The following NAA11 variants were observed in gnomAD, a reference collection of about 807,000 sequenced individuals.
The protein encoded by NAA11 is N-alpha-acetyltransferase 11, NatA catalytic subunit, also known as N-alpha-acetyltransferase 11.
A neutral mutation model predicts 16.1 loss-of-function variants in NAA11; 15 were observed. That is an observed-to-expected ratio of 0.93 (90% CI 0.62 to 1.44). NAA11 has a LOEUF of 1.44. NAA11 is among the 40% of genes most tolerant of loss of function. NAA11 has a pLI of 0.00. For missense variants in NAA11, 298 were observed against 291.3 expected, an observed-to-expected ratio of 1.02 and a Z score of -0.17; for synonymous variants, 122 against 112.4, an observed-to-expected ratio of 1.09 and a Z score of -0.54.
chr4:79,277,819 G>A (rs909300031), intron 2 of NAA11, among the ~76,000 whole-genome samples: 1 of 151,998 alleles, frequency 6.6e-6, no homozygotes, highest in African/African-American at 2.4e-5. Context: ...AGCCACATGC[G>A]TCAGGGATAA....
downstream of NAA11, among the ~76,000 whole-genome samples, chr4:79,224,928 T>C (rs1721277565): frequency 6.6e-6 from 1 of 152,054 alleles, no homozygotes; most frequent in Non-Finnish European, 1.5e-5. Flanking sequence ...ATCCGACCAG[T>C]ACTTCTCAAA....
chr4:79,157,389 A>G, the NAA11 span, among the ~76,000 whole-genome samples: 2 of 152,098 alleles, frequency 1.3e-5, no homozygotes, highest in Admixed American at 6.6e-5. Context: ...AACTTGGAAT[A>G]TTAGCCTCCA....
At chr4:79,239,447 T>G (rs1721642235) in intron 2 of NAA11, among the ~76,000 whole-genome samples, 1 of 152,124 alleles carries the variant, frequency 6.6e-6, no homozygotes, top group African/African-American at 2.4e-5. Flanking sequence ...ACACCTGTAA[T>G]CCTAGCACTT....
intron 2 of NAA11, among the ~76,000 whole-genome samples, chr4:79,269,198 T>G (rs1186773447): frequency 2.7e-5 from 4 of 147,706 alleles, no homozygotes; most frequent in African/African-American, 1.0e-4. Context: ...ATGATTTATA[T>G]TCCTTTGGGT....
the NAA11 span, among the ~76,000 whole-genome samples, chr4:79,167,926 G>T: frequency 6.6e-6 from 1 of 151,864 alleles, no homozygotes; most frequent in South Asian, 2.1e-4. Context: ...GAACGTGCAG[G>T]TTTGTTACAT....
chr4:79,309,025 T>C (rs1723675170), intron 1 of NAA11, among the ~76,000 whole-genome samples: 1 of 152,232 alleles, frequency 6.6e-6, no homozygotes, highest in Admixed American at 6.5e-5. Context: ...GAGGGGGATG[T>C]ATGAAAAGAT....
chr4:79,267,096 TATAA>T (rs1380409047), intron 2 of NAA11, among the ~76,000 whole-genome samples: 2 of 152,204 alleles, frequency 1.3e-5, no homozygotes, highest in African/African-American at 2.4e-5. Context: ...TTTGAGTAGA[TATAA>T]ATATAGTCAA....
At chr4:79,242,266 A>T (rs1457517053) in intron 2 of NAA11, among the ~76,000 whole-genome samples, 1 of 43,442 alleles carries the variant, frequency 2.3e-5, no homozygotes, top group African/African-American at 4.1e-5. Flanking sequence ...CCTTCTTGTT[A>T]GTTTCAGCTA....
intron 1 of NAA11, among the ~76,000 whole-genome samples, chr4:79,308,073 A>G (rs911547650): frequency 6.6e-6 from 1 of 152,076 alleles, no homozygotes; most frequent in Non-Finnish European, 1.5e-5. Flanking sequence ...TATATCCTTT[A>G]TAAAAATTAA....
At chr4:79,156,096 G>A in the NAA11 span, among the ~76,000 whole-genome samples, 11 of 152,172 alleles carry the variant, frequency 7.2e-5, no homozygotes, top group African/African-American at 2.6e-4. Flanking sequence ...TACCCATATA[G>A]TTTAAAAACT....
intron 2 of NAA11, among the ~76,000 whole-genome samples, chr4:79,263,199 A>G (rs1722276109): frequency 6.6e-6 from 1 of 152,222 alleles, no homozygotes; most frequent in Non-Finnish European, 1.5e-5. Context: ...TAAAATTAAA[A>G]TACGACTTTA....
intron 2 of NAA11, among the ~76,000 whole-genome samples, chr4:79,255,015 AC>A (rs1316763793): frequency 6.6e-6 from 1 of 152,188 alleles, no homozygotes; most frequent in East Asian, 1.9e-4. Flanking sequence ...ATAATTATAT[AC>A]AATAATGTCA....
At chr4:79,306,782 A>C (rs1454437377) in intron 1 of NAA11, 1 of 152,190 alleles carries the variant, frequency 6.6e-6, no homozygotes, top group East Asian at 1.9e-4. Flanking sequence ...CCTTGTTTTC[A>C]TGTGCAAGTG....
At chr4:79,289,220 C>T (rs899247808) in intron 2 of NAA11, among the ~76,000 whole-genome samples, 1 of 152,156 alleles carries the variant, frequency 6.6e-6, no homozygotes, top group African/African-American at 2.4e-5. Context: ...ATTTCAAATT[C>T]CCTCTCAGTT....
intron 2 of NAA11, among the ~76,000 whole-genome samples, chr4:79,264,182 T>C (rs1030356642): frequency 6.6e-6 from 1 of 152,242 alleles, no homozygotes; most frequent in African/African-American, 2.4e-5. Flanking sequence ...CTGTTACTAG[T>C]CTGTGATGAG....
chr4:79,211,785 A>C, the NAA11 span: 1 of 152,240 alleles, frequency 6.6e-6, no homozygotes, highest in Non-Finnish European at 1.5e-5. Flanking sequence ...CTCACTTTGC[A>C]GGAAAACAGA....
chr4:79,256,130 G>A (rs1263187077), intron 2 of NAA11, among the ~76,000 whole-genome samples: 2 of 152,066 alleles, frequency 1.3e-5, no homozygotes, highest in African/African-American at 4.8e-5. Flanking sequence ...ATTATCTTTC[G>A]ATTTGTTTTT....
chr4:79,293,369 G>A (rs1315683282), intron 2 of NAA11, among the ~76,000 whole-genome samples: 1 of 152,168 alleles, frequency 6.6e-6, no homozygotes. Flanking sequence ...TTACAGTAGA[G>A]AATCCCAATA....
intron 2 of NAA11, among the ~76,000 whole-genome samples, chr4:79,254,114 C>A (rs1461408684): frequency 6.6e-6 from 1 of 152,188 alleles, no homozygotes; most frequent in African/African-American, 2.4e-5. Context: ...TGATGAATGG[C>A]CTATGCCAGG....
Sources: allele counts gnomAD v4.1 joint callset (sites outside exome capture counted in the v4.1 genomes callset), GRCh38; gene constraint gnomAD v4.1.1; transcripts MANE v1.5; gene names NCBI Gene and HGNC (gene_info 2026-07-23, HGNC 2026-07-21).